The following PCYT1A variants were observed in gnomAD, a reference collection of about 807,000 sequenced individuals.
PCYT1A encodes the protein phosphate cytidylyltransferase 1A, choline.
In PCYT1A, 25 loss-of-function variants were observed where a neutral mutation model predicts 43.7. The observed-to-expected ratio is 0.57, with a 90% CI of 0.42 to 0.80. The LOEUF is 0.80. Among genes scored for constraint, PCYT1A ranks in the 30% least tolerant of loss-of-function variants. The pLI is 0.00. For synonymous variants in PCYT1A, 172 were observed against 170.7 expected (o/e 1.01, Z -0.06); for missense variants, 421 against 474.2 (o/e 0.89, Z 1.04).
intron 2 of PCYT1A, among the ~76,000 whole-genome samples, chr3:196,269,202 A>C (rs774451765): frequency 6.6e-6 from 1 of 152,248 alleles, no homozygotes; most frequent in Non-Finnish European, 1.5e-5. Context: ...AACAGGAAAC[A>C]AATATATATA....
chr3:196,248,280 T>C lies in PCYT1A; in HGVS notation c.261A>G (p.Leu87=). The part of the protein sequence containing the change: ...VRVYADGIFD[L]FHSGHARALM... The stretch of plus-strand genomic sequence containing the variant: ...GAGCTCGGGCGTGACCAGAGTGAAA[T>C]AAGTCAAATATTCCATCGGCATAAA... The change falls in exon 4 of 9, where the codon TTA becomes TTG. Residue 87 remains leucine (L), a synonymous_variant. Transcript: ENST00000431016. 2 of 1,613,344 alleles carry C rather than the reference T, an allele frequency of 1.2e-6. No individual in the cohort carries two copies. The highest frequency in any genetic ancestry group is 1.1e-5 in the South Asian group (1 of 91,058).
chr3:196,241,677 T>TC, intron 7 of PCYT1A: 1 of 1,406,264 alleles, frequency 7.1e-7, no homozygotes, highest in African/African-American at 1.4e-5. Context: ...GACACCGTTT[T>TC]CCATTTATTG....
At chr3:196,276,078 CAG>C (rs1725581468) in intron 1 of PCYT1A, among the ~76,000 whole-genome samples, 2 of 144,348 alleles carry the variant, frequency 1.4e-5, no homozygotes, top group Non-Finnish European at 3.0e-5. Flanking sequence ...GTCTGGGCGC[CAG>C]AGTGAGACTC....
chr3:196,287,375 C>T (rs1725943041), intron 1 of PCYT1A: 1 of 152,342 alleles, frequency 6.6e-6, no homozygotes, highest in South Asian at 2.1e-4. Flanking sequence ...CCTCATACTT[C>T]CTCGGTCCAA....
intron 8 of PCYT1A, among the ~76,000 whole-genome samples, 166 bp downstream of exon 8, chr3:196,239,381 G>A (rs1467839396): frequency 6.6e-6 from 1 of 152,202 alleles, no homozygotes; most frequent in Non-Finnish European, 1.5e-5. Flanking sequence ...ACGTCTTTCT[G>A]TAAAGGTTTC....
At chr3:196,259,939 T>TC (rs1725060213) in intron 2 of PCYT1A, among the ~76,000 whole-genome samples, 1 of 138,556 alleles carries the variant, frequency 7.2e-6, no homozygotes, top group Non-Finnish European at 1.5e-5. Flanking sequence ...TTTTTTTTTT[T>TC]TGAGGCAAAG....
Position 196,238,701 on chromosome 3 carries a change from T to C in PCYT1A, c.1091A>G (p.Asp364Gly). 1 of 1,554,498 alleles carries C rather than the reference T, an allele frequency of 6.4e-7. No individual in the cohort carries two copies. The highest frequency in any genetic ancestry group is 8.7e-7 in the Non-Finnish European group (1 of 1,150,634). ...HKAAAYDISE[D>G]EED Reference sequence around the variant, plus strand: ...AGGGAGGAAACATTAGTCTTCTTCATCCTCACTGATATCATAGGCTGCAGC... The same window carrying C: ...AGGGAGGAAACATTAGTCTTCTTCACCCTCACTGATATCATAGGCTGCAGC... Residue 364 changes from aspartate (D) to glycine (G), a missense_variant, in exon 9 of 9, where the codon GAT (aspartate) becomes GGT (glycine). By Grantham distance (94) the Asp-to-Gly change is moderately conservative. Coordinates refer to ENST00000431016, the MANE Select transcript of PCYT1A (RefSeq NM_001312673.2).
chr3:196,274,679 G>C (rs1725537913), intron 1 of PCYT1A, among the ~76,000 whole-genome samples: 3 of 152,176 alleles, frequency 2.0e-5, no homozygotes, highest in Admixed American at 2.0e-4. Flanking sequence ...GCCTGACTGA[G>C]ATGTTCGTCT....
Position 196,239,622 on chromosome 3 carries a change from G to A in PCYT1A, c.822C>T (p.Leu274=), listed in dbSNP as rs1034637018. The part of the protein sequence containing the change: ...VQKVEEKSID[L]IQKWEEKSRE... ...GGGACTTCTCCTCCCACTTCTGAAT[G>A]AGGTCAATGCTTTTTTCCTCCACCT... Residue 274 remains leucine (L), a synonymous_variant, in exon 8 of 9, where the codon CTC becomes CTT. Coordinates refer to ENST00000431016, the MANE Select transcript of PCYT1A (RefSeq NM_001312673.2). 1 of 1,611,860 alleles carries A rather than the reference G, an allele frequency of 6.2e-7. No homozygotes were observed. Among genetic ancestry groups the A allele is most frequent in the Non-Finnish European group, 8.5e-7 (1 of 1,177,906 alleles).
chr3:196,235,251 C>CA lies in PCYT1A; in HGVS notation c.*3436dup, dbSNP rs370723733. The stretch of plus-strand genomic sequence containing the variant: ...ATGGTCTGACCAGCTGTGCAGCCTC[C>CA]AAAAAAAAATCACTATCGCTCAGGT... On this transcript the variant is annotated 3_prime_UTR_variant, in exon 9 of 9. Transcript: ENST00000431016. This position sits in a 1 kb window ranked among gnomAD's most constrained non-coding sequence, Gnocchi z 4.3. 4.9e-3 allele frequency: 745 copies of CA among 151,290 alleles called. 6 individuals are homozygous for CA. The highest frequency in any genetic ancestry group is 0.017 in the African/African-American group (687 of 41,202). The allele number at this position is 151,290 out of a possible 1,614,324, so 9.4% of individuals were successfully genotyped here. A position where few individuals can be genotyped will look rare whatever the true frequency, so the allele number is the denominator to read the frequency against.
At position 196,235,411 on chromosome 3, in the gene PCYT1A, T is replaced by C. The variant is rs528388570; in HGVS notation, c.*3277A>G. 6.5e-4 allele frequency: 99 copies of C among 152,356 alleles called. No homozygotes were observed. The highest frequency in any genetic ancestry group is 2.1e-3 in the African/African-American group (89 of 41,578). The allele number at this position is 152,356 out of a possible 1,614,324, so 9.4% of individuals were successfully genotyped here. A position where few individuals can be genotyped will look rare whatever the true frequency, so the allele number is the denominator to read the frequency against. ...AGCCTCCCTCATATTTTTTCTCTTC[T>C]TCAGGATTTTCAACCTCCTCACATC... On this transcript the variant is annotated 3_prime_UTR_variant, in exon 9 of 9. Transcript: ENST00000431016. The surrounding 1 kb of genome is among the most constrained non-coding windows in gnomAD (Gnocchi z 4.3).
At position 196,238,708 on chromosome 3, in the gene PCYT1A, T is replaced by C. The variant is rs1393418641; in HGVS notation, c.1084A>G (p.Ser362Gly). 6.4e-7 allele frequency: 1 copy of C among 1,566,812 alleles called. No individual in the cohort carries two copies. Among genetic ancestry groups the C allele is most frequent in the South Asian group, 1.2e-5 (1 of 84,948 alleles). The change falls in exon 9 of 9, where the codon AGT (serine) becomes GGT (glycine). Residue 362 changes from serine to glycine, a missense_variant. Ser to Gly is a moderately conservative substitution (Grantham distance 56). Coordinates refer to ENST00000431016, the MANE Select transcript of PCYT1A (RefSeq NM_001312673.2). ...SRHKAAAYDI[S>G]EDEED ...AAACATTAGTCTTCTTCATCCTCACTGATATCATAGGCTGCAGCCTTGTGC... is the reference window on the plus strand; with the variant it reads ...AAACATTAGTCTTCTTCATCCTCACCGATATCATAGGCTGCAGCCTTGTGC...
Position 196,273,724 on chromosome 3 carries a change from C to G in PCYT1A, c.-10-3183G>C, listed in dbSNP as rs537218043. Among the ~76,000 whole-genome samples, 3 of 152,248 alleles carry G rather than the reference C, an allele frequency of 2.0e-5. No homozygotes were observed. In the South Asian group the frequency reaches 6.2e-4, roughly 32 times the overall value. On this transcript the variant is annotated intron_variant, in intron 1 of 8. Transcript: ENST00000431016. The surrounding 1 kb of genome is among the most constrained non-coding windows in gnomAD (Gnocchi z 4.1). Reference sequence around the variant, plus strand: ...AGTCCAGGGTTTCTACGGGCTTCAGCGGGCAGGAAGTGCATGCTGATTGGT... The same window carrying G: ...AGTCCAGGGTTTCTACGGGCTTCAGGGGGCAGGAAGTGCATGCTGATTGGT...
chr3:196,241,921 G>A (rs769812691), intron 7 of PCYT1A, 27 bp downstream of exon 7: 2 of 1,611,692 alleles, frequency 1.2e-6, no homozygotes, highest in East Asian at 2.2e-5. Flanking sequence ...CAGAGTCAGG[G>A]AACTCTGGGG....
At chr3:196,276,863 C>G (rs1002773832) in intron 1 of PCYT1A, among the ~76,000 whole-genome samples, 1 of 151,564 alleles carries the variant, frequency 6.6e-6, no homozygotes, top group African/African-American at 2.4e-5. Context: ...TTGAGAACAG[C>G]AAGTCAAGGC....
chr3:196,273,361 T>C lies in PCYT1A; in HGVS notation c.-10-2820A>G, dbSNP rs1054600983. Among the ~76,000 whole-genome samples the C allele has an allele frequency of 4.6e-5, 7 of 152,200 alleles. No individual in the cohort carries two copies. The highest frequency in any genetic ancestry group is 1.7e-4 in the African/African-American group (7 of 41,460). ...GGGAGGGGAGGACGTGTTTCGGCTC[T>C]GTTTGTGTTTCAGCTCTTTCAGTCC... On this transcript the variant is annotated intron_variant, in intron 1 of 8. Transcript: ENST00000431016. This position sits in a 1 kb window ranked among gnomAD's most constrained non-coding sequence, Gnocchi z 4.1.
rs1560165924 is a variant in PCYT1A at position 196,249,784 on chromosome 3, T to TCAGATACACCATGCCGAGGCTGAGGAC, written c.218-1488_218-1462dup. ...AGATACACTATGCTGAGGTTGAGGA[T>TCAGATACACCATGCCGAGGCTGAGGAC]CAGATACACCATGCCGAGGCTGAGG... On this transcript the variant is annotated intron_variant, in intron 3 of 8. Coordinates refer to ENST00000431016, the MANE Select transcript of PCYT1A (RefSeq NM_001312673.2). Among the ~76,000 whole-genome samples the TCAGATACACCATGCCGAGGCTGAGGAC allele has an allele frequency of 5.3e-5, 8 of 151,428 alleles. No homozygotes were observed. In the East Asian group the frequency reaches 1.6e-3, roughly 30 times the overall value.
intron 5 of PCYT1A, among the ~76,000 whole-genome samples, chr3:196,245,178 G>A (rs1724523341): frequency 1.4e-5 from 2 of 143,186 alleles, no homozygotes; most frequent in African/African-American, 2.6e-5. Context: ...GTCTCGCTCT[G>A]TCGCCCAGGC....
At chr3:196,276,610 GAA>G (rs761733640) in intron 1 of PCYT1A, among the ~76,000 whole-genome samples, 2 of 99,562 alleles carry the variant, frequency 2.0e-5, no homozygotes, top group Admixed American at 1.9e-4. Context: ...CTCAAAAAAT[GAA>G]AAAAAAAAAA....
Sources: gnomAD v4.1 joint callset for allele counts (sites outside exome capture counted in the v4.1 genomes callset) on GRCh38, gnomAD v4.1.1 for gene constraint, Gnocchi (gnomAD v3.1) non-coding constraint, MANE v1.5 for transcripts, NCBI Gene and HGNC (gene_info 2026-07-23, HGNC 2026-07-21) for gene names.